The following GPATCH2 variants were observed in gnomAD, a reference collection of about 807,000 sequenced individuals.
The protein encoded by GPATCH2 is G-patch domain containing 2, also known as G patch domain-containing protein 2.
Under a neutral mutation model 58.0 loss-of-function variants are expected in GPATCH2, and 51 were observed. The observed-to-expected ratio is 0.88, with a 90% CI of 0.70 to 1.11. The LOEUF (loss-of-function observed/expected upper bound fraction) is 1.11. GPATCH2 is among the 50% of genes most tolerant of loss of function. The pLI is 0.00. For synonymous variants in GPATCH2, 222 were observed against 218.5 expected (o/e 1.02, Z -0.14); for missense variants, 625 against 652.2 (o/e 0.96, Z 0.45).
chr1:217,484,214 G>A (rs1391252891), intron 8 of GPATCH2, among the ~76,000 whole-genome samples: 1 of 152,116 alleles, frequency 6.6e-6, no homozygotes, highest in African/African-American at 2.4e-5. Context: ...AAATGTGGGT[G>A]AGCCTCTTCT....
intron 5 of GPATCH2, among the ~76,000 whole-genome samples, chr1:217,591,962 G>T (rs187506204): frequency 9.0e-4 from 137 of 151,878 alleles, no homozygotes; most frequent in African/African-American, 3.3e-3. Flanking sequence ...AATTAATTTG[G>T]CAAGTCCAAA....
chr1:217,597,727 G>A (rs1353610655), intron 5 of GPATCH2, among the ~76,000 whole-genome samples: 2 of 152,116 alleles, frequency 1.3e-5, no homozygotes, highest in African/African-American at 4.8e-5. Flanking sequence ...GTGAAAGTCT[G>A]CACAATGAAT....
chr1:217,444,729 T>C (rs929046736), intron 9 of GPATCH2, among the ~76,000 whole-genome samples: 1 of 152,088 alleles, frequency 6.6e-6, no homozygotes, highest in African/African-American at 2.4e-5. Context: ...TTAATAACAA[T>C]CCCCTTGGAA....
At chr1:217,573,991 C>T (rs1474453276) in intron 5 of GPATCH2, among the ~76,000 whole-genome samples, 1 of 152,124 alleles carries the variant, frequency 6.6e-6, no homozygotes, top group Admixed American at 6.5e-5. Flanking sequence ...GAATGGTTTG[C>T]TTGGCAAAAA....
chr1:217,607,870 A>G (rs1278614306), intron 5 of GPATCH2, among the ~76,000 whole-genome samples: 3 of 152,204 alleles, frequency 2.0e-5, no homozygotes, highest in African/African-American at 4.8e-5. Context: ...TTATGCAGTC[A>G]TCATTCATCT....
intron 5 of GPATCH2, among the ~76,000 whole-genome samples, chr1:217,522,174 C>A (rs1379781400): frequency 2.6e-5 from 4 of 152,050 alleles, no homozygotes; most frequent in Admixed American, 2.6e-4. Flanking sequence ...AGCCATTCTG[C>A]ATTGATAATT....
chr1:217,585,090 A>C (rs1667276195), intron 5 of GPATCH2, among the ~76,000 whole-genome samples: 1 of 152,138 alleles, frequency 6.6e-6, no homozygotes, highest in South Asian at 2.1e-4. Context: ...TTAACCAGGA[A>C]GGTTAATCCA....
At chr1:217,580,788 C>T (rs1428434274) in intron 5 of GPATCH2, among the ~76,000 whole-genome samples, 1 of 39,262 alleles carries the variant, frequency 2.5e-5, no homozygotes, top group Non-Finnish European at 5.6e-5. Context: ...GCGGGTGGAT[C>T]ATGAGGTCAG....
intron 3 of GPATCH2, among the ~76,000 whole-genome samples, chr1:217,613,600 T>C (rs1257632482): frequency 6.6e-6 from 1 of 152,122 alleles, no homozygotes; most frequent in East Asian, 1.9e-4. Flanking sequence ...AATACTGCCA[T>C]GTTACAGACT....
intron 8 of GPATCH2, among the ~76,000 whole-genome samples, chr1:217,471,693 T>C (rs1012515497): frequency 6.6e-6 from 1 of 152,160 alleles, no homozygotes; most frequent in Admixed American, 6.5e-5. Context: ...TTTGTTTCTC[T>C]GATTAAATCT....
At position 217,504,302 on chromosome 1, in the gene GPATCH2, CT is replaced by C. The variant is rs571741134; in HGVS notation, c.1167-5908del. 2.9e-3 allele frequency among the ~76,000 whole-genome samples: 443 copies of C among 152,226 alleles called. 2 individuals are homozygous for C. The highest frequency in any genetic ancestry group is 0.014 in the Middle Eastern group (4 of 292). ...ATGAGAGGAGGCGAATGGCGTCCTCCTTTGGGCAGCCTGTTGAACTCACCCT... is the reference window on the plus strand; with the variant it reads ...ATGAGAGGAGGCGAATGGCGTCCTCCTTGGGCAGCCTGTTGAACTCACCCT... On this transcript the variant is annotated intron_variant, in intron 6 of 9. Coordinates refer to ENST00000366935, the MANE Select transcript of GPATCH2 (RefSeq NM_018040.5).
At chr1:217,434,324 C>T (rs910742584) in intron 9 of GPATCH2, among the ~76,000 whole-genome samples, 6 of 152,080 alleles carry the variant, frequency 3.9e-5, no homozygotes, top group Non-Finnish European at 7.3e-5. Context: ...CACGCAAGCA[C>T]GCACAACATA....
chr1:217,467,552 G>A (rs922270451), intron 8 of GPATCH2, among the ~76,000 whole-genome samples: 5 of 152,076 alleles, frequency 3.3e-5, no homozygotes, highest in Non-Finnish European at 5.9e-5. Context: ...GTATGGTGGG[G>A]TAAATAAAAT....
intron 8 of GPATCH2, 148 bp downstream of exon 8, chr1:217,491,532 A>T (rs774207790): frequency 2.5e-6 from 1 of 398,034 alleles, no homozygotes; most frequent in Non-Finnish European, 4.6e-6. Context: ...ATTGCTCGTA[A>T]TCCTAAAATA....
chr1:217,519,445 A>T (rs926453266), intron 5 of GPATCH2, among the ~76,000 whole-genome samples: 3 of 152,260 alleles, frequency 2.0e-5, no homozygotes, highest in Non-Finnish European at 1.5e-5. Context: ...TTCAAGGAAC[A>T]TAAATTGGAT....
intron 5 of GPATCH2, among the ~76,000 whole-genome samples, chr1:217,529,165 T>G (rs1283084310): frequency 6.6e-6 from 1 of 152,162 alleles, no homozygotes; most frequent in Non-Finnish European, 1.5e-5. Context: ...GAACAAGCAT[T>G]TGTTAAAAAG....
chr1:217,469,482 C>CA (rs1418410565), intron 8 of GPATCH2, among the ~76,000 whole-genome samples: 1 of 151,648 alleles, frequency 6.6e-6, no homozygotes, highest in Non-Finnish European at 1.5e-5. Flanking sequence ...ATTATTTCTA[C>CA]AAAAAAAGCA....
chr1:217,544,144 C>T (rs1403371009), intron 5 of GPATCH2, among the ~76,000 whole-genome samples: 2 of 152,208 alleles, frequency 1.3e-5, no homozygotes, highest in Non-Finnish European at 2.9e-5. Context: ...TCTGTAATCC[C>T]AGCACTTTGG....
At chr1:217,473,279 C>T (rs570088463) in intron 8 of GPATCH2, among the ~76,000 whole-genome samples, 154 of 115,254 alleles carry the variant, frequency 1.3e-3, no homozygotes, top group African/African-American at 5.2e-3. Flanking sequence ...AGGTTTAGTT[C>T]AGTGTGTGTG....
Sources: gnomAD v4.1 joint callset for allele counts (sites outside exome capture counted in the v4.1 genomes callset) on GRCh38, gnomAD v4.1.1 for gene constraint, MANE v1.5 for transcripts, NCBI Gene and HGNC (gene_info 2026-07-23, HGNC 2026-07-21) for gene names.